BMPR1B: variants seen among roughly 807,000 people sequenced by gnomAD.
BMPR1B encodes the protein bone morphogenetic protein receptor type 1B.
In BMPR1B, 12 loss-of-function variants were observed where a neutral mutation model predicts 59.1. That is an observed-to-expected ratio of 0.20 (90% CI 0.13 to 0.33). The LOEUF is 0.33. BMPR1B is among the 10% of genes least tolerant of loss of function. The pLI is 1.00. For synonymous variants in BMPR1B, 237 were observed against 207.3 expected (o/e 1.14, Z -1.23); for missense variants, 550 against 610.9 (o/e 0.90, Z 1.05).
chr4:95,057,035 C>G (rs1179365637), intron 3 of BMPR1B, among the ~76,000 whole-genome samples: 1 of 152,158 alleles, frequency 6.6e-6, no homozygotes, highest in Non-Finnish European at 1.5e-5. Context: ...TTATACATGT[C>G]ACTCTCCTGC....
rs142993984 is a variant in BMPR1B at position 94,862,567 on chromosome 4, G to A, written c.-182-13264G>A. ...GCCTGTAATCCTAGCACTTTGGGAG[G>A]CCAGAGGAGGTGGATCACCTGAGGT... On this transcript the variant is annotated intron_variant, in intron 1 of 12. Transcript: ENST00000515059. Among the ~76,000 whole-genome samples the A allele has an allele frequency of 2.8e-3, 418 of 151,260 alleles. 6 individuals are homozygous for A. In the East Asian group the frequency reaches 0.042, roughly 15 times the overall value.
chr4:95,096,026 A>G (rs1730347366), intron 3 of BMPR1B, among the ~76,000 whole-genome samples: 1 of 130,794 alleles, frequency 7.6e-6, no homozygotes, highest in Admixed American at 8.6e-5. Context: ...AATTTTTTTT[A>G]CATTTTACTT....
intron 2 of BMPR1B, among the ~76,000 whole-genome samples, chr4:94,923,470 A>AAT (rs1728778051): frequency 2.0e-5 from 3 of 152,150 alleles, no homozygotes; most frequent in South Asian, 4.1e-4. Flanking sequence ...TATCTGGTTT[A>AAT]GAGACTACTC....
chr4:94,823,067 A>G (rs1396853127), intron 1 of BMPR1B, among the ~76,000 whole-genome samples: 1 of 152,282 alleles, frequency 6.6e-6, no homozygotes, highest in East Asian at 1.9e-4. Flanking sequence ...AAACATTTCC[A>G]CAGGCAGCCA....
chr4:95,023,887 T>C (rs1035775720), intron 3 of BMPR1B, among the ~76,000 whole-genome samples: 1 of 152,216 alleles, frequency 6.6e-6, no homozygotes, highest in Non-Finnish European at 1.5e-5. Flanking sequence ...ACATAATATG[T>C]CATTTGTTCA....
chr4:95,013,954 A>C (rs1723398633), intron 3 of BMPR1B, among the ~76,000 whole-genome samples: 1 of 152,174 alleles, frequency 6.6e-6, no homozygotes, highest in Non-Finnish European at 1.5e-5. Flanking sequence ...ACTAGATCCA[A>C]GTGGCACATT....
intron 2 of BMPR1B, among the ~76,000 whole-genome samples, chr4:94,893,474 T>C (rs1287229715): frequency 6.6e-6 from 1 of 152,076 alleles, no homozygotes; most frequent in Non-Finnish European, 1.5e-5. Context: ...CATATGTTCT[T>C]AGAGAAAATA....
intron 1 of BMPR1B, among the ~76,000 whole-genome samples, chr4:94,860,809 C>CATGTAAAAG (rs1725948170): frequency 6.6e-6 from 1 of 150,634 alleles, no homozygotes; most frequent in African/African-American, 2.5e-5. Flanking sequence ...TGGACAAAAC[C>CATGTAAAAG]TTTTATATGT....
At chr4:94,975,349 T>C (rs1730981601) in intron 2 of BMPR1B, among the ~76,000 whole-genome samples, 1 of 143,094 alleles carries the variant, frequency 7.0e-6, no homozygotes, top group African/African-American at 2.6e-5. Context: ...AAATCTTAAT[T>C]TCCTTTTGTT....
At chr4:95,070,352 A>G (rs1009008023) in intron 3 of BMPR1B, among the ~76,000 whole-genome samples, 2 of 152,180 alleles carry the variant, frequency 1.3e-5, no homozygotes, top group Non-Finnish European at 2.9e-5. Context: ...CATAGCGAAT[A>G]TAAGAGCAGA....
intron 2 of BMPR1B, among the ~76,000 whole-genome samples, chr4:94,980,302 T>A (rs1411949834): frequency 6.6e-6 from 1 of 152,202 alleles, no homozygotes; most frequent in Non-Finnish European, 1.5e-5. Context: ...ATAGAATAAG[T>A]TAAGTTCCAA....
chr4:95,114,959 C>A, intron 5 of BMPR1B, 137 bp downstream of exon 5: 1 of 803,810 alleles, frequency 1.2e-6, no homozygotes. Flanking sequence ...TTTAGGTCAG[C>A]AACAGATGGT....
intron 1 of BMPR1B, among the ~76,000 whole-genome samples, chr4:94,807,011 T>C (rs1339969394): frequency 1.3e-5 from 2 of 152,170 alleles, no homozygotes; most frequent in African/African-American, 4.8e-5. Flanking sequence ...AAAATAATTA[T>C]ATTTTATAAT....
chr4:94,834,546 A>G lies in BMPR1B; in HGVS notation c.-182-41285A>G, dbSNP rs200857457. 1.7e-4 allele frequency among the ~76,000 whole-genome samples: 26 copies of G among 152,200 alleles called. No individual in the cohort carries two copies. In the East Asian group the frequency reaches 3.9e-3, roughly 23 times the overall value. On this transcript the variant is annotated intron_variant, in intron 1 of 12. Coordinates refer to ENST00000515059, the MANE Select transcript of BMPR1B (RefSeq NM_001203.3). ...AAACTCTTCAAGATTTTTTCTGGGAAGCCTTCTCTACAACTTTGACATAGG... is the reference window on the plus strand; with the variant it reads ...AAACTCTTCAAGATTTTTTCTGGGAGGCCTTCTCTACAACTTTGACATAGG...
At chr4:94,982,418 C>T (rs1368775429) in intron 2 of BMPR1B, among the ~76,000 whole-genome samples, 1 of 152,078 alleles carries the variant, frequency 6.6e-6, no homozygotes, top group Admixed American at 6.6e-5. Context: ...TGTAATTAGA[C>T]TAAAATTTAA....
In BMPR1B at chr4:94,990,183, T is replaced by C. The variant is rs532087264; in HGVS notation, c.-112-5857T>C. ...CCAGCCTGGCCAATATGGTGAAACC[T>C]CATCTCTACTAAAAATGTGAAAATT... On this transcript the variant is annotated intron_variant, in intron 2 of 12. Transcript: ENST00000515059. Among the ~76,000 whole-genome samples the C allele has an allele frequency of 3.3e-5, 5 of 152,150 alleles. No homozygotes were observed. In the East Asian group the frequency reaches 7.8e-4, roughly 24 times the overall value.
At chr4:94,943,185 G>C (rs977529345) in intron 2 of BMPR1B, among the ~76,000 whole-genome samples, 1 of 151,214 alleles carries the variant, frequency 6.6e-6, no homozygotes, top group African/African-American at 2.4e-5. Context: ...TTGTTGCCCA[G>C]GCTGGAGTGC....
At chr4:95,110,044 G>T (rs1051836627) in intron 4 of BMPR1B, among the ~76,000 whole-genome samples, 32 of 152,034 alleles carry the variant, frequency 2.1e-4, no homozygotes, top group African/African-American at 7.5e-4. Flanking sequence ...AGTCATCAAT[G>T]AGAATTTTAG....
intron 1 of BMPR1B, among the ~76,000 whole-genome samples, chr4:94,864,672 G>C (rs1013860151): frequency 6.6e-6 from 1 of 152,128 alleles, no homozygotes; most frequent in Admixed American, 6.5e-5. Flanking sequence ...GGTCATTGCA[G>C]TTGAAAAAGA....
Sources: gnomAD v4.1 joint callset for allele counts (sites outside exome capture counted in the v4.1 genomes callset) on GRCh38, gnomAD v4.1.1 for gene constraint, MANE v1.5 for transcripts, NCBI Gene and HGNC (gene_info 2026-07-23, HGNC 2026-07-21) for gene names.